Variants in PRCP observed in about 807,000 individuals in gnomAD.
The protein encoded by PRCP is lysosomal Pro-X carboxypeptidase.
A neutral mutation model predicts 54.2 loss-of-function variants in PRCP; 46 were observed. That is an observed-to-expected ratio of 0.85 (90% CI 0.67 to 1.09). The LOEUF is 1.09. Ranked by LOEUF, PRCP falls within the 50% of genes least tolerant of loss-of-function variation. The pLI is 0.00. For missense variants in PRCP, 613 were observed against 596.8 expected (o/e 1.03, Z -0.28); for synonymous variants, 240 against 212.2 (o/e 1.13, Z -1.14).
chr11:82,846,237 C>T (rs1345855383), intron 6 of PRCP: 1 of 152,036 alleles, frequency 6.6e-6, no homozygotes, highest in Admixed American at 6.6e-5. Context: ...GAGCAGTCCC[C>T]AACTGGGTAG....
At chr11:82,847,662 A>G (rs538406415) in intron 6 of PRCP, among the ~76,000 whole-genome samples, 9 of 152,242 alleles carry the variant, frequency 5.9e-5, no homozygotes, top group Non-Finnish European at 1.0e-4. Context: ...GCTGGAGTAC[A>G]GTGGCATGAT....
rs1156888061 is a variant in PRCP, at chr11:82,859,494, CTTG to C, written c.309+480_309+482del. Among the ~76,000 whole-genome samples, 3 of 152,236 alleles carry C rather than the reference CTTG, an allele frequency of 2.0e-5. No individual in the cohort carries two copies. The East Asian group carries it at 5.8e-4, about 29-fold the overall frequency. On this transcript the variant is annotated intron_variant, in intron 2 of 8. Coordinates refer to ENST00000313010, the MANE Select transcript of PRCP (RefSeq NM_005040.4). Reference sequence around the variant, plus strand: ...CACTAAACATACAAAAATTCCCACCCTTGTTTTTACCTTCTAGAGACCATAATC... The same window carrying C: ...CACTAAACATACAAAAATTCCCACCCTTTTTACCTTCTAGAGACCATAATC...
At chr11:82,900,925 AGG>A (rs1311086538), upstream of PRCP, 1 of 451,226 alleles carries the variant, frequency 2.2e-6, no homozygotes, top group African/African-American at 2.0e-5. Flanking sequence ...ATCACGAGGC[AGG>A]GAGGCACACG....
intron 8 of PRCP, 131 bp downstream of exon 8, chr11:82,838,256 G>A (rs1858571954): frequency 1.2e-6 from 1 of 816,732 alleles, no homozygotes; most frequent in Non-Finnish European, 1.8e-6. Context: ...TCAAGGCATA[G>A]GAAAACATGA....
rs997881325 is a variant in PRCP, at chr11:82,900,083, G to A, written c.168+152C>T. ...GAAAATTTAAACAGAACTGGGATTT[G>A]GGACCACCTTCTGGAAGATGTTAGC... is the stretch of plus-strand genomic sequence containing the variant. On this transcript the variant is annotated intron_variant, in intron 1 of 8. Transcript: ENST00000313010. 2.4e-5 allele frequency: 24 copies of A among 985,860 alleles called. 1 individual carries two copies. The highest frequency in any genetic ancestry group is 3.3e-5 in the Non-Finnish European group (22 of 667,530). 61.1% of individuals were successfully genotyped at this position (985,860 alleles called of 1,614,324 possible).
At chr11:82,854,946 T>C (rs1433784950) in intron 2 of PRCP, among the ~76,000 whole-genome samples, 1 of 152,184 alleles carries the variant, frequency 6.6e-6, no homozygotes, top group South Asian at 2.1e-4. Flanking sequence ...CAATAAATGG[T>C]GCTGGGATAA....
chr11:82,878,763 CT>C (rs1859667986), intron 1 of PRCP, among the ~76,000 whole-genome samples: 2 of 152,104 alleles, frequency 1.3e-5, no homozygotes, highest in South Asian at 4.1e-4. Flanking sequence ...TCAGCATTTG[CT>C]TGTCTATAAA....
At chr11:82,895,810 C>A (rs1392021378) in intron 1 of PRCP, among the ~76,000 whole-genome samples, 1 of 152,024 alleles carries the variant, frequency 6.6e-6, no homozygotes, top group Non-Finnish European at 1.5e-5. Context: ...GACATCAGGG[C>A]CACTGTGACA....
intron 1 of PRCP, among the ~76,000 whole-genome samples, chr11:82,868,485 T>C (rs1167790273): frequency 5.3e-5 from 8 of 152,194 alleles, no homozygotes. Flanking sequence ...GGTTAAGTTC[T>C]GTATACAAAG....
At position 82,850,005 on chromosome 11, in the gene PRCP, C is replaced by A; in HGVS notation, c.660G>T (p.Lys220Asn). Reference protein sequence around the residue: ...EDLVPCGVFMKIVTTDFRKSG... With the variant: ...EDLVPCGVFMNIVTTDFRKSG... ...TTTTCCTAAAATCTGTAGTTACGAT[C>A]TTCATAAATACACCACAAGGTACTA... The change falls in exon 5 of 9, where the codon AAG (lysine) becomes AAT (asparagine). Residue 220 changes from lysine (K) to asparagine (N), a missense_variant. Lys to Asn is a moderately conservative substitution (Grantham distance 94). Transcript: ENST00000313010. The A allele has an allele frequency of 3.2e-6, 5 of 1,559,038 alleles. No homozygotes were observed. The highest frequency in any genetic ancestry group is 4.3e-6 in the Non-Finnish European group (5 of 1,151,144).
rs755204907 is a variant in PRCP at position 82,825,004 on chromosome 11, A to G, written c.1393T>C (p.Leu465=). 6.2e-7 allele frequency: 1 copy of G among 1,614,170 alleles called. No homozygotes were observed. The highest frequency in any genetic ancestry group is 1.1e-5 in the South Asian group (1 of 91,070). The change falls in exon 9 of 9, where the codon TTG becomes CTG. Residue 465 remains leucine, a synonymous_variant. Coordinates refer to ENST00000313010, the MANE Select transcript of PRCP (RefSeq NM_005040.4). ...HHLDLRTKNA[L]DPMSVLLARS... ...GCTAACAGCACAGACATAGGATCCA[A>G]GGCATTCTTGGTGCGGAGATCTAAG...
intron 8 of PRCP, among the ~76,000 whole-genome samples, chr11:82,833,951 T>C (rs1204562695): frequency 1.3e-5 from 2 of 152,128 alleles, no homozygotes; most frequent in East Asian, 1.9e-4. Context: ...CCTTCTCCAA[T>C]GATGATGATA....
chr11:82,843,765 C>T (rs2121115870), intron 6 of PRCP, among the ~76,000 whole-genome samples: 1 of 152,302 alleles, frequency 6.6e-6, no homozygotes, highest in South Asian at 2.1e-4. Context: ...ACTGAATATT[C>T]TTTGATGGCA....
chr11:82,873,066 G>GCT (rs531787463), intron 1 of PRCP, among the ~76,000 whole-genome samples: 1 of 119,046 alleles, frequency 8.4e-6, no homozygotes, highest in East Asian at 2.3e-4. Context: ...ATTCTGATCT[G>GCT]TTTTTTTTTT....
chr11:82,887,225 T>C (rs1028380323), intron 1 of PRCP, among the ~76,000 whole-genome samples: 2 of 152,228 alleles, frequency 1.3e-5, no homozygotes, highest in African/African-American at 4.8e-5. Context: ...AGACTTAGGA[T>C]CCCATTATAG....
chr11:82,840,461 T>G (rs1001556762), intron 6 of PRCP: 1 of 152,180 alleles, frequency 6.6e-6, no homozygotes. Context: ...TACTTTAAAA[T>G]TCATTTTAAA....
intron 8 of PRCP, among the ~76,000 whole-genome samples, chr11:82,834,208 G>A (rs904595108): frequency 2.0e-5 from 3 of 152,148 alleles, no homozygotes; most frequent in Non-Finnish European, 2.9e-5. Context: ...AACTGTGAGC[G>A]ATACATTTGT....
chr11:82,843,845 AAAC>A (rs1183800807), intron 6 of PRCP, among the ~76,000 whole-genome samples: 2 of 152,206 alleles, frequency 1.3e-5, no homozygotes, highest in African/African-American at 4.8e-5. Flanking sequence ...ACAGAAGAGA[AAAC>A]AAGCTCAGAG....
intron 1 of PRCP, among the ~76,000 whole-genome samples, chr11:82,890,720 A>G (rs1391170706): frequency 6.6e-6 from 1 of 152,038 alleles, no homozygotes; most frequent in Non-Finnish European, 1.5e-5. Context: ...TTTCGCCTCC[A>G]CTCACCCTCT....
Sources: allele counts gnomAD v4.1 joint callset (sites outside exome capture counted in the v4.1 genomes callset), GRCh38; gene constraint gnomAD v4.1.1; transcripts MANE v1.5; gene names NCBI Gene and HGNC (gene_info 2026-07-23, HGNC 2026-07-21).